Variants in NPSR1 observed in about 807,000 individuals in gnomAD.
The protein encoded by NPSR1 is neuropeptide S receptor 1.
NPSR1 carries 48 observed loss-of-function variants against 46.9 expected under a neutral mutation model. The observed-to-expected ratio is 1.02, with a 90% CI of 0.81 to 1.30. NPSR1 has a LOEUF of 1.30. Ranked by LOEUF, NPSR1 falls within the 50% of genes most tolerant of loss-of-function variation. The pLI, the probability that NPSR1 is intolerant of heterozygous loss-of-function variation, is 0.00. For synonymous variants in NPSR1, 176 were observed against 168.1 expected, an observed-to-expected ratio of 1.05 and a Z score of -0.36; for missense variants, 450 against 449.5, an observed-to-expected ratio of 1.00 and a Z score of -0.01.
chr7:34,725,443 A>G (rs913020893), intron 2 of NPSR1, among the ~76,000 whole-genome samples: 7 of 152,180 alleles, frequency 4.6e-5, no homozygotes, highest in African/African-American at 1.7e-4. Context: ...TCTACAATTG[A>G]GGATACTGAA....
At chr7:34,683,093 T>G (rs140004179) in intron 1 of NPSR1, among the ~76,000 whole-genome samples, 87 of 152,130 alleles carry the variant, frequency 5.7e-4, no homozygotes, top group African/African-American at 2.0e-3. Context: ...AAATCCAGGA[T>G]GGAGAGCCTA....
intron 2 of NPSR1, among the ~76,000 whole-genome samples, chr7:34,768,749 G>C (rs560850645): frequency 6.6e-6 from 1 of 152,118 alleles, no homozygotes; most frequent in Non-Finnish European, 1.5e-5. Context: ...AGGAAACTGC[G>C]GAAGTTCAAG....
rs147330504 is a variant in NPSR1, at chr7:34,724,495, C to T, written c.280+39811C>T. On this transcript the variant is annotated intron_variant, in intron 2 of 8. Coordinates refer to ENST00000360581, the MANE Select transcript of NPSR1 (RefSeq NM_207172.2). ...GTGGGTTCAGAGAGGGAGAGAAAGA[C>T]GACAGCCTGATTCCTAGATCTGAGG... Among the ~76,000 whole-genome samples, 183 of 152,308 alleles carry T rather than the reference C, an allele frequency of 1.2e-3. 3 individuals are homozygous for T. The South Asian group carries it at 0.013, about 11-fold the overall frequency.
At chr7:34,785,540 A>G (rs937024028) in intron 3 of NPSR1, among the ~76,000 whole-genome samples, 1 of 152,132 alleles carries the variant, frequency 6.6e-6, no homozygotes, top group African/African-American at 2.4e-5. Context: ...ATAAAAAAAG[A>G]AAGAAAATAT....
intron 2 of NPSR1, among the ~76,000 whole-genome samples, chr7:34,726,932 G>A (rs897918959): frequency 1.2e-4 from 18 of 152,106 alleles, no homozygotes; most frequent in African/African-American, 4.3e-4. Flanking sequence ...TTATTATAAG[G>A]GTGTATATGT....
At chr7:34,785,177 T>C (rs1787404147) in intron 3 of NPSR1, among the ~76,000 whole-genome samples, 1 of 151,830 alleles carries the variant, frequency 6.6e-6, no homozygotes, top group South Asian at 2.1e-4. Flanking sequence ...GTGGCACATA[T>C]ACACCACGGA....
intron 3 of NPSR1, among the ~76,000 whole-genome samples, chr7:34,788,245 A>C (rs961926117): frequency 3.3e-5 from 5 of 152,066 alleles, no homozygotes; most frequent in Non-Finnish European, 5.9e-5. Flanking sequence ...GGTAACCACA[A>C]AGCAAAACCT....
At chr7:34,853,186 A>G (rs1413708556), downstream of NPSR1, among the ~76,000 whole-genome samples, 1 of 152,218 alleles carries the variant, frequency 6.6e-6, no homozygotes, top group Non-Finnish European at 1.5e-5. Context: ...GCCTCTTCCA[A>G]CTGCATTCAC....
At chr7:34,866,364 A>G (rs1584157113) in intron 8 of NPSR1, among the ~76,000 whole-genome samples, 1 of 151,892 alleles carries the variant, frequency 6.6e-6, no homozygotes, top group South Asian at 2.1e-4. Context: ...TCATGGAGAA[A>G]GGACAAGGGC....
At chr7:34,786,796 A>G (rs1787485835) in intron 3 of NPSR1, among the ~76,000 whole-genome samples, 1 of 152,138 alleles carries the variant, frequency 6.6e-6, no homozygotes, top group Non-Finnish European at 1.5e-5. Context: ...TTGGAAAGGA[A>G]TCTTTTTTTC....
rs2609242 is a variant in NPSR1 at position 34,715,830 on chromosome 7, C to T, written c.280+31146C>T. Among the ~76,000 whole-genome samples, 1,226 of 152,212 alleles carry T rather than the reference C, an allele frequency of 8.1e-3. 18 individuals are homozygous for T. The highest frequency in any genetic ancestry group is 0.027 in the African/African-American group (1,107 of 41,524). On this transcript the variant is annotated intron_variant, in intron 2 of 8. Coordinates refer to ENST00000360581, the MANE Select transcript of NPSR1 (RefSeq NM_207172.2). ...ATGCTCAGGCTACCATATGGGAGGGCGATCCATGAGGAGCAGCACCTGGGT... is the reference window on the plus strand; with the variant it reads ...ATGCTCAGGCTACCATATGGGAGGGTGATCCATGAGGAGCAGCACCTGGGT...
chr7:34,701,626 G>GGA (rs1793836146), intron 2 of NPSR1, among the ~76,000 whole-genome samples: 1 of 152,140 alleles, frequency 6.6e-6, no homozygotes. Context: ...ATCGAACCTA[G>GGA]GAGAGTACAG....
At chr7:34,847,193 C>T (rs996449247) in intron 7 of NPSR1, among the ~76,000 whole-genome samples, 2 of 152,094 alleles carry the variant, frequency 1.3e-5, no homozygotes, top group Non-Finnish European at 2.9e-5. Flanking sequence ...GTTACAGAAT[C>T]CACATTACAC....
intron 4 of NPSR1, among the ~76,000 whole-genome samples, chr7:34,819,826 A>G (rs555328798): frequency 2.0e-5 from 3 of 152,388 alleles, no homozygotes; most frequent in Non-Finnish European, 4.4e-5. Flanking sequence ...CAAAGACAGA[A>G]AACCAAACAC....
intron 3 of NPSR1, among the ~76,000 whole-genome samples, chr7:34,807,351 T>C (rs1788749722): frequency 6.6e-6 from 1 of 152,192 alleles, no homozygotes; most frequent in African/African-American, 2.4e-5. Context: ...GTCTATTTTT[T>C]TCTATCTGTA....
At chr7:34,691,181 G>A (rs370710204) in intron 2 of NPSR1, among the ~76,000 whole-genome samples, 8 of 152,244 alleles carry the variant, frequency 5.3e-5, no homozygotes, top group Admixed American at 2.0e-4. Flanking sequence ...TAAATGCTAA[G>A]GGAATTTGTC....
intron 2 of NPSR1, among the ~76,000 whole-genome samples, chr7:34,727,434 G>T (rs1196633219): frequency 6.6e-6 from 1 of 152,162 alleles, no homozygotes; most frequent in Non-Finnish European, 1.5e-5. Flanking sequence ...TCCCTCAATG[G>T]TTTTTGCATA....
At chr7:34,790,772 ATATGT>A (rs981468737) in intron 3 of NPSR1, among the ~76,000 whole-genome samples, 16 of 119,914 alleles carry the variant, frequency 1.3e-4, no homozygotes, top group Non-Finnish European at 2.3e-4. Context: ...TATATATAAT[ATATGT>A]TATATGTTAT....
rs34901052 is a variant in NPSR1 at position 34,750,512 on chromosome 7, G to A, written c.281-27950G>A. On this transcript the variant is annotated intron_variant, in intron 2 of 8. Transcript: ENST00000360581. ...ACAAACAGTGGATGGTTTCTTGGCT[G>A]TTGGGGCTCTCTGGCTACCTGCTTG... 11,623 of 702,848 alleles carry A rather than the reference G, an allele frequency of 0.017. 905 individuals carry two copies. The African/African-American group carries it at 0.17, about 11-fold the overall frequency. 43.5% of individuals were successfully genotyped at this position (702,848 alleles called of 1,614,324 possible).
Sources: allele counts gnomAD v4.1 joint callset (sites outside exome capture counted in the v4.1 genomes callset), GRCh38; gene constraint gnomAD v4.1.1; transcripts MANE v1.5; gene names NCBI Gene and HGNC (gene_info 2026-07-23, HGNC 2026-07-21).